The following INTS3 variants were observed in gnomAD, a reference collection of about 807,000 sequenced individuals.
The protein encoded by INTS3 is SOSS complex subunit A.
Under a neutral mutation model 146.3 loss-of-function variants are expected in INTS3, and 34 were observed. That is an observed-to-expected ratio of 0.23 (90% confidence interval 0.18 to 0.31). The LOEUF is 0.31. Ranked by LOEUF, INTS3 falls within the 10% of genes least tolerant of loss-of-function variation. The pLI, the probability that INTS3 is intolerant of heterozygous loss-of-function variation, is 1.00. For missense variants in INTS3, 757 were observed against 1,304.2 expected (o/e 0.58, Z 6.46); for synonymous variants, 475 against 494.9 (o/e 0.96, Z 0.53).
At chr1:153,764,347 T>C (rs1029216604) in intron 18 of INTS3, 126 bp downstream of exon 18, 2 of 684,904 alleles carry the variant, frequency 2.9e-6, no homozygotes, top group Admixed American at 2.4e-5. Flanking sequence ...TATTCTCACA[T>C]GTACCAACTC....
chr1:153,750,134 T>G (rs1305066826), intron 6 of INTS3, among the ~76,000 whole-genome samples: 1 of 152,240 alleles, frequency 6.6e-6, no homozygotes, highest in Middle Eastern at 3.2e-3. Context: ...CAGAGTCTTT[T>G]AATTAGGTGG....
intron 1 of INTS3, among the ~76,000 whole-genome samples, chr1:153,732,609 C>T (rs560882709): frequency 6.6e-6 from 1 of 152,130 alleles, no homozygotes; most frequent in Admixed American, 6.5e-5. Context: ...CCACACCCAG[C>T]TACTTTTTTT....
At position 153,764,882 on chromosome 1, in the gene INTS3, C is replaced by G; in HGVS notation, c.1971-62C>G. 3.7e-6 allele frequency: 6 copies of G among 1,608,010 alleles called. No homozygotes were observed. The South Asian group carries it at 5.5e-5, about 15-fold the overall frequency. On this transcript the variant is annotated intron_variant, in intron 19 of 29. Transcript: ENST00000318967. ...CAGACAGCCCATGCCACCTGAGAAA[C>G]TCCATGGGAGAGTCTGCCCTGGGTA...
At chr1:153,763,157 G>T (rs1440560038) in intron 15 of INTS3, 76 bp from the exon 16 acceptor site, 4 of 1,581,698 alleles carry the variant, frequency 2.5e-6, no homozygotes, top group Non-Finnish European at 3.5e-6. Context: ...TGAGGAAGGG[G>T]ATAAGTCATT....
intron 1 of INTS3, among the ~76,000 whole-genome samples, chr1:153,738,730 T>C (rs1671398516): frequency 6.6e-6 from 1 of 152,230 alleles, no homozygotes; most frequent in South Asian, 2.1e-4. Context: ...CCATTGATGA[T>C]GATATTTGCC....
rs768649503 is a variant in INTS3, at chr1:153,754,758, G to T, written c.957+19G>T. ...ATCCCGGGTAAGCTAAGGTGTTGCA[G>T]CAAGAGAAGAGGTCACACGCTGGCT... On this transcript the variant is annotated intron_variant, in intron 9 of 29. Coordinates refer to ENST00000318967, the MANE Select transcript of INTS3 (RefSeq NM_023015.5). The T allele has an allele frequency of 7.3e-6, 11 of 1,516,350 alleles. No homozygotes were observed. The highest frequency in any genetic ancestry group is 9.2e-6 in the Non-Finnish European group (10 of 1,091,004). The allele number at this position is 1,516,350 out of a possible 1,614,324, so 93.9% of individuals were successfully genotyped here. A position where few individuals can be genotyped will look rare whatever the true frequency, so the allele number is the denominator to read the frequency against.
chr1:153,760,164 A>G (rs7554642), intron 11 of INTS3, 147 bp from the exon 12 acceptor site: 320,053 of 609,770 alleles, frequency 0.52, 85,726 homozygotes, highest in African/African-American at 0.66. Context: ...CCTGGGAGGC[A>G]GAGGCTTCAG....
chr1:153,758,545 C>A (rs943806485), intron 10 of INTS3, among the ~76,000 whole-genome samples: 1 of 152,000 alleles, frequency 6.6e-6, no homozygotes, highest in Non-Finnish European at 1.5e-5. Context: ...CGGTGGCTCA[C>A]GCCTGTAATC....
In INTS3 at chr1:153,772,928, C is replaced by G; in HGVS notation, c.2898C>G (p.Phe966Leu). 1 of 1,614,148 alleles carries G rather than the reference C, an allele frequency of 6.2e-7. No individual in the cohort carries two copies. The highest frequency in any genetic ancestry group is 8.5e-7 in the Non-Finnish European group (1 of 1,180,034). ...ASCDEAHKMK[F>L]SDLFSLAEEY... ...AGCTACCGCTCCTTTTCCTTAGATT[C>G]AGTGATCTCTTCTCCCTGGCGGAGG... The change falls in exon 29 of 30, where the codon TTC (phenylalanine) becomes TTG (leucine). Residue 966 changes from phenylalanine (F) to leucine (L), a missense_variant. By Grantham distance (22) the Phe-to-Leu change is conservative. Coordinates refer to ENST00000318967, the MANE Select transcript of INTS3 (RefSeq NM_023015.5). The surrounding 1 kb of genome is among the most constrained non-coding windows in gnomAD (Gnocchi z 4.6).
At chr1:153,761,789 T>C in intron 14 of INTS3, 113 bp downstream of exon 14, 1 of 615,000 alleles carries the variant, frequency 1.6e-6, no homozygotes, top group Admixed American at 3.1e-5. Context: ...TCCGTGACAC[T>C]GTCCATCACA....
At chr1:153,768,822 A>G (rs1046477165) in intron 21 of INTS3, 71 bp from the exon 22 acceptor site, 58 of 1,184,398 alleles carry the variant, frequency 4.9e-5, no homozygotes, top group Non-Finnish European at 7.2e-5. Flanking sequence ...TGTAATAAGG[A>G]AGGAGAGTGG....
intron 1 of INTS3, among the ~76,000 whole-genome samples, chr1:153,740,205 T>G (rs1187939951): frequency 6.6e-6 from 1 of 152,146 alleles, no homozygotes; most frequent in Non-Finnish European, 1.5e-5. Context: ...GTTCCAGAGA[T>G]TCTCCTGCCT....
At chr1:153,746,426 G>A (rs897858068) in intron 3 of INTS3, among the ~76,000 whole-genome samples, 11 of 149,996 alleles carry the variant, frequency 7.3e-5, no homozygotes, top group African/African-American at 2.7e-4. Flanking sequence ...GTTTCGCTCC[G>A]TCGCCCAGGC....
intron 25 of INTS3, 87 bp from the exon 26 acceptor site, chr1:153,771,709 G>A (rs1183921284): frequency 5.2e-6 from 7 of 1,350,606 alleles, no homozygotes; most frequent in Non-Finnish European, 7.2e-6. Flanking sequence ...GGGTGGGGAG[G>A]CCAGGGCTTG....
Position 153,769,707 on chromosome 1 carries a change from A to G in INTS3, c.2314-62A>G, listed in dbSNP as rs1353785856. The G allele has an allele frequency of 2.2e-5, 25 of 1,125,556 alleles. 1 individual carries two copies. The highest frequency in any genetic ancestry group is 2.1e-4 in the Middle Eastern group (1 of 4,854). The allele number at this position is 1,125,556 out of a possible 1,614,324, so 69.7% of individuals were successfully genotyped here. A position where few individuals can be genotyped will look rare whatever the true frequency, so the allele number is the denominator to read the frequency against. ...TACGAGCCCTCCTGCGTCCCCCTCC[A>G]TACTAGCTTCCTGGCCCCTTTCAGA... On this transcript the variant is annotated intron_variant, in intron 22 of 29. Transcript: ENST00000318967.
intron 1 of INTS3, among the ~76,000 whole-genome samples, chr1:153,737,870 G>C (rs1469003144): frequency 6.6e-6 from 1 of 151,984 alleles, no homozygotes; most frequent in African/African-American, 2.4e-5. Context: ...TTTAAAGTTT[G>C]TTCTTAACAT....
chr1:153,747,145 G>A, intron 4 of INTS3, 75 bp downstream of exon 4: 1 of 1,318,168 alleles, frequency 7.6e-7, no homozygotes, highest in African/African-American at 1.4e-5. Flanking sequence ...GAACGGGAAA[G>A]AGGAATCAGG....
rs1204912556 is a variant in INTS3, at chr1:153,760,333, C to T, written c.1260C>T (p.His420=). The change falls in exon 12 of 30, where the codon CAC becomes CAT. Residue 420 remains histidine (H), a synonymous_variant. Coordinates refer to ENST00000318967, the MANE Select transcript of INTS3 (RefSeq NM_023015.5). ...MNIEPAILVM[H]HSMKPHPAIT... is the part of the protein sequence containing the mutation. The stretch of plus-strand genomic sequence containing the variant: ...CAGAACCAGCCATCCTGGTCATGCA[C>T]CACTCCATGAAGCCCCACCCAGCCA... 1 of 1,613,674 alleles carries T rather than the reference C, an allele frequency of 6.2e-7. No homozygotes were observed. Among genetic ancestry groups the T allele is most frequent in the African/African-American group, 1.3e-5 (1 of 74,946 alleles).
intron 23 of INTS3, 68 bp from the exon 24 acceptor site, chr1:153,770,127 TGGG>T (rs371912410): frequency 3.3e-6 from 1 of 299,134 alleles, no homozygotes. Context: ...GATGGGGGGG[TGGG>T]GGGGGTGTGT....
Sources: allele counts gnomAD v4.1 joint callset (sites outside exome capture counted in the v4.1 genomes callset), GRCh38; gene constraint gnomAD v4.1.1; non-coding constraint Gnocchi (gnomAD v3.1); transcripts MANE v1.5; gene names NCBI Gene and HGNC (gene_info 2026-07-23, HGNC 2026-07-21).